Variants in PLCE1 observed in about 807,000 individuals in gnomAD.
PLCE1 encodes 1-phosphatidylinositol 4,5-bisphosphate phosphodiesterase epsilon-1.
PLCE1 carries 119 observed loss-of-function variants against 242.8 expected under a neutral mutation model. The ratio of observed to expected loss-of-function variants is 0.49; its 90% CI spans 0.42 to 0.57. The LOEUF is 0.57. Among genes scored for constraint, PLCE1 ranks in the 20% least tolerant of loss-of-function variants. The pLI, the probability that PLCE1 is intolerant of heterozygous loss-of-function variation, is 0.00. For synonymous variants in PLCE1, 945 were observed against 1,017.4 expected, an observed-to-expected ratio of 0.93 and a Z score of 1.35; for missense variants, 2,441 against 2,788.8, an observed-to-expected ratio of 0.88 and a Z score of 2.81.
intron 2 of PLCE1, among the ~76,000 whole-genome samples, chr10:94,074,889 G>A (rs1457689856): frequency 6.6e-6 from 1 of 152,132 alleles, no homozygotes; most frequent in Non-Finnish European, 1.5e-5. Flanking sequence ...AATATTAAGT[G>A]AGACAGCCAT....
intron 2 of PLCE1, among the ~76,000 whole-genome samples, chr10:94,098,291 T>C (rs1825697330): frequency 2.0e-5 from 3 of 152,294 alleles, no homozygotes; most frequent in South Asian, 4.2e-4. Flanking sequence ...AATGACCCCC[T>C]CTTTACCCAT....
chr10:94,084,525 AT>A (rs1300996286), intron 2 of PLCE1, among the ~76,000 whole-genome samples: 1 of 152,188 alleles, frequency 6.6e-6, no homozygotes, highest in Non-Finnish European at 1.5e-5. Context: ...CTGTGAAACC[AT>A]AAACGCTTGT....
chr10:94,163,123 G>A (rs2047673701), intron 3 of PLCE1, among the ~76,000 whole-genome samples: 1 of 152,180 alleles, frequency 6.6e-6, no homozygotes, highest in African/African-American at 2.4e-5. Flanking sequence ...TGAAAAGAAT[G>A]TATATTCTGT....
intron 2 of PLCE1, among the ~76,000 whole-genome samples, chr10:94,066,509 G>A (rs1421471972): frequency 1.3e-5 from 2 of 152,112 alleles, no homozygotes; most frequent in Non-Finnish European, 2.9e-5. Context: ...TATTAATGGA[G>A]AGGCAGGGAG....
At chr10:94,172,347 T>C (rs1000866758) in intron 4 of PLCE1, among the ~76,000 whole-genome samples, 3 of 152,206 alleles carry the variant, frequency 2.0e-5, no homozygotes, top group Non-Finnish European at 2.9e-5. Flanking sequence ...TAGATTTAAT[T>C]TCTTTTGTTT....
At chr10:94,090,849 A>C (rs2045039971) in intron 2 of PLCE1, among the ~76,000 whole-genome samples, 1 of 152,072 alleles carries the variant, frequency 6.6e-6, no homozygotes. Context: ...TTTTAGTGGG[A>C]TGGCTAATAG....
intron 11 of PLCE1, 100 bp downstream of exon 11, chr10:94,255,149 T>C: frequency 1.4e-6 from 2 of 1,418,926 alleles, no homozygotes; most frequent in Non-Finnish European, 2.0e-6. Context: ...CTATTTCACA[T>C]TTTGATGTAT....
At chr10:94,089,106 A>C in intron 2 of PLCE1, 1 of 1,613,812 alleles carries the variant, frequency 6.2e-7, no homozygotes, top group Non-Finnish European at 8.5e-7. Context: ...TGGTTTCAGA[A>C]GGAAGTGCAG....
intron 23 of PLCE1, among the ~76,000 whole-genome samples, chr10:94,295,418 C>T (rs770505363): frequency 4.6e-5 from 7 of 152,192 alleles, no homozygotes; most frequent in African/African-American, 9.7e-5. Flanking sequence ...AGTTTTATCA[C>T]GAAATTGCAG....
At chr10:94,008,571 A>G in intron 1 of PLCE1, among the ~76,000 whole-genome samples, 1 of 152,172 alleles carries the variant, frequency 6.6e-6, no homozygotes, top group Non-Finnish European at 1.5e-5. Flanking sequence ...AGCCTCCAAA[A>G]GTGCTGGGAT....
At chr10:94,287,822 T>C (rs2052512640) in intron 22 of PLCE1, among the ~76,000 whole-genome samples, 1 of 152,016 alleles carries the variant, frequency 6.6e-6, no homozygotes, top group Admixed American at 6.6e-5. Flanking sequence ...TCCCCCACTC[T>C]CCTCAGGCAC....
chr10:94,322,184 T>A, intron 30 of PLCE1, 125 bp downstream of exon 30: 1 of 893,338 alleles, frequency 1.1e-6, no homozygotes, highest in Non-Finnish European at 1.8e-6. Context: ...CAAAGGGGAG[T>A]GTGTGCCTCT....
chr10:94,036,334 A>G (rs1168245028), intron 2 of PLCE1, among the ~76,000 whole-genome samples: 1 of 152,196 alleles, frequency 6.6e-6, no homozygotes, highest in Non-Finnish European at 1.5e-5. Flanking sequence ...ATTTGAATTC[A>G]TGTTTCTCAA....
chr10:94,059,150 A>G (rs1354216322), intron 2 of PLCE1, among the ~76,000 whole-genome samples: 1 of 152,232 alleles, frequency 6.6e-6, no homozygotes, highest in Non-Finnish European at 1.5e-5. Context: ...TGTGGAAAGG[A>G]AAGAGCTGAG....
chr10:94,208,200 T>TGATCA (rs1403860497), intron 4 of PLCE1, among the ~76,000 whole-genome samples: 1 of 152,140 alleles, frequency 6.6e-6, no homozygotes, highest in African/African-American at 2.4e-5. Context: ...CCTGACCAGG[T>TGATCA]GATCAAGATT....
intron 13 of PLCE1, among the ~76,000 whole-genome samples, chr10:94,262,126 G>A (rs568972490): frequency 1.3e-4 from 19 of 150,078 alleles, no homozygotes; most frequent in South Asian, 1.1e-3. Context: ...TCAGCCTCCC[G>A]AGTGGCTGGG....
At position 94,132,610 on chromosome 10, in the gene PLCE1, T is replaced by A. The variant is rs2046635279; in HGVS notation, c.1492+151T>A. 23 of 767,462 alleles carry A rather than the reference T, an allele frequency of 3.0e-5. No individual in the cohort carries two copies. In the South Asian group the frequency reaches 3.4e-4, roughly 11 times the overall value. 47.5% of individuals were successfully genotyped at this position (767,462 alleles called of 1,614,324 possible). A position where few individuals can be genotyped will look rare whatever the true frequency, so the allele number is the denominator to read the frequency against. On this transcript the variant is annotated intron_variant, in intron 3 of 32. Coordinates refer to ENST00000371380, the MANE Select transcript of PLCE1 (RefSeq NM_016341.4). Reference sequence around the variant, plus strand: ...TCTTTAAGAGAATATAAAAAGGTGGTCCCTTATTAAAATCCCCTAAGGTGT... The same window carrying A: ...TCTTTAAGAGAATATAAAAAGGTGGACCCTTATTAAAATCCCCTAAGGTGT...
chr10:94,096,599 G>A (rs1195802855), intron 2 of PLCE1: 1 of 152,154 alleles, frequency 6.6e-6, no homozygotes, highest in African/African-American at 2.4e-5. Context: ...TCCCTCCCAA[G>A]ACATGTGGGG....
chr10:94,165,446 C>A (rs1222436240), intron 3 of PLCE1, among the ~76,000 whole-genome samples: 1 of 152,210 alleles, frequency 6.6e-6, no homozygotes, highest in Non-Finnish European at 1.5e-5. Context: ...GGGATACAAT[C>A]TCCTGGTGTG....
Sources: gnomAD v4.1 joint callset for allele counts (sites outside exome capture counted in the v4.1 genomes callset) on GRCh38, gnomAD v4.1.1 for gene constraint, MANE v1.5 for transcripts, NCBI Gene and HGNC (gene_info 2026-07-23, HGNC 2026-07-21) for gene names.